Variants in RBMS3 observed in about 807,000 individuals in gnomAD.
The protein encoded by RBMS3 is RNA binding motif single stranded interacting protein 3.
In RBMS3, 27 loss-of-function variants were observed where a neutral mutation model predicts 66.8. That is an observed-to-expected ratio of 0.40 (90% CI 0.30 to 0.56). RBMS3 has a LOEUF of 0.56. Among genes scored for constraint, RBMS3 ranks in the 20% least tolerant of loss-of-function variants. RBMS3 has a pLI of 0.40. For missense variants in RBMS3, 513 were observed against 549.5 expected, an observed-to-expected ratio of 0.93 and a Z score of 0.66; for synonymous variants, 188 against 183.0, an observed-to-expected ratio of 1.03 and a Z score of -0.22.
intron 3 of RBMS3, among the ~76,000 whole-genome samples, chr3:29,553,808 T>TA (rs10634860): frequency 0.46 from 64,973 of 142,130 alleles, 14,686 homozygotes; most frequent in Middle Eastern, 0.6. Context: ...ACTGGCTAAT[T>TA]AAAAAAAAAA....
At chr3:29,286,281 CTTGTTTCTTAGTT>C (rs2032322945) in intron 1 of RBMS3, among the ~76,000 whole-genome samples, 1 of 151,676 alleles carries the variant, frequency 6.6e-6, no homozygotes, top group Non-Finnish European at 1.5e-5. Context: ...AGGGGCCATC[CTTGTTTCTTAGTT>C]TTGTTTTTTT....
Position 29,340,875 on chromosome 3 carries a change from A to T in RBMS3, c.75+59119A>T, listed in dbSNP as rs949421716. Among the ~76,000 whole-genome samples the T allele has an allele frequency of 4.6e-5, 7 of 152,132 alleles. No homozygotes were observed. The South Asian group carries it at 1.0e-3, about 22-fold the overall frequency. On this transcript the variant is annotated intron_variant, in intron 1 of 14. Coordinates refer to ENST00000383767, the MANE Select transcript of RBMS3 (RefSeq NM_001003793.3). ...CCTTCCTATTATATATATCATTTTT[A>T]AAAAGTTTAAGTTAAATCCTTTTTT...
intron 3 of RBMS3, among the ~76,000 whole-genome samples, chr3:29,523,732 C>A (rs1411066820): frequency 1.3e-5 from 2 of 151,108 alleles, no homozygotes; most frequent in Non-Finnish European, 3.0e-5. Context: ...CTCTTTTTTT[C>A]TTTTTTGCCT....
intron 12 of RBMS3, among the ~76,000 whole-genome samples, chr3:29,945,738 G>A (rs544218683): frequency 1.3e-5 from 2 of 151,810 alleles, no homozygotes; most frequent in East Asian, 3.9e-4. Context: ...GTACTTATCA[G>A]ATATCAGTCA....
intron 3 of RBMS3, among the ~76,000 whole-genome samples, chr3:29,512,770 G>A (rs772383270): frequency 3.3e-5 from 5 of 152,222 alleles, no homozygotes; most frequent in Non-Finnish European, 7.3e-5. Flanking sequence ...TCTGTGGCAT[G>A]TGAACAATAC....
At chr3:29,765,768 G>C (rs2055896248) in intron 6 of RBMS3, 1 of 152,238 alleles carries the variant, frequency 6.6e-6, no homozygotes, top group East Asian at 1.9e-4. Context: ...TCATGCTGCT[G>C]ATAAAGACAC....
intron 1 of RBMS3, among the ~76,000 whole-genome samples, chr3:29,306,754 A>G (rs1559475547): frequency 6.6e-6 from 1 of 151,850 alleles, no homozygotes; most frequent in Non-Finnish European, 1.5e-5. Flanking sequence ...GATCAAGCTG[A>G]GGCTCTATCT....
chr3:29,348,115 G>A (rs1270006621), intron 1 of RBMS3, among the ~76,000 whole-genome samples: 1 of 152,064 alleles, frequency 6.6e-6, no homozygotes, highest in Admixed American at 6.5e-5. Context: ...TAAATGACAA[G>A]TAAACAACAC....
At chr3:29,956,727 G>A (rs55757024) in intron 12 of RBMS3, among the ~76,000 whole-genome samples, 2,277 of 152,164 alleles carry the variant, frequency 0.015, 67 homozygotes, top group African/African-American at 0.052. Context: ...CCATCTAACT[G>A]GTCGGACTGA....
chr3:29,672,669 A>G (rs1304043107), intron 4 of RBMS3, among the ~76,000 whole-genome samples: 1 of 152,244 alleles, frequency 6.6e-6, no homozygotes, highest in African/African-American at 2.4e-5. Flanking sequence ...TTAAATGAAC[A>G]AAGATCAAAA....
chr3:29,397,045 T>A (rs2039584350), intron 1 of RBMS3, among the ~76,000 whole-genome samples: 1 of 152,226 alleles, frequency 6.6e-6, no homozygotes, highest in South Asian at 2.1e-4. Context: ...AATGAAATTG[T>A]GCATCATTCA....
chr3:29,597,294 T>C (rs1484458227), intron 4 of RBMS3, among the ~76,000 whole-genome samples: 1 of 152,154 alleles, frequency 6.6e-6, no homozygotes, highest in Non-Finnish European at 1.5e-5. Flanking sequence ...CTGACTTTTA[T>C]TGAAAGTGAA....
intron 6 of RBMS3, among the ~76,000 whole-genome samples, chr3:29,856,296 G>A (rs1264325213): frequency 3.9e-5 from 6 of 152,160 alleles, no homozygotes; most frequent in African/African-American, 1.4e-4. Context: ...ATTTGGTGGG[G>A]TGGGAAAAGC....
At chr3:29,599,917 C>G (rs1345286654) in intron 4 of RBMS3, among the ~76,000 whole-genome samples, 2 of 151,618 alleles carry the variant, frequency 1.3e-5, no homozygotes, top group African/African-American at 4.8e-5. Context: ...TACTAAAAGA[C>G]AAATATAGTA....
At chr3:29,380,039 G>A (rs1220180062) in intron 1 of RBMS3, among the ~76,000 whole-genome samples, 1 of 152,110 alleles carries the variant, frequency 6.6e-6, no homozygotes, top group Non-Finnish European at 1.5e-5. Flanking sequence ...TTTCTGACAG[G>A]GGGAAAGAGC....
intron 3 of RBMS3, among the ~76,000 whole-genome samples, chr3:29,496,588 TGGTAA>T (rs1278060585): frequency 6.6e-6 from 1 of 152,184 alleles, no homozygotes; most frequent in Admixed American, 6.5e-5. Context: ...TCCACTTTGA[TGGTAA>T]ATGGTCTTTA....
At chr3:29,865,106 GAGGA>G (rs545730115) in intron 6 of RBMS3, among the ~76,000 whole-genome samples, 537 of 127,196 alleles carry the variant, frequency 4.2e-3, no homozygotes, top group Non-Finnish European at 6.0e-3. Context: ...GGGAGGGAGG[GAGGA>G]AGGAAGGAAG....
At chr3:29,771,652 A>G (rs1433686794) in intron 6 of RBMS3, among the ~76,000 whole-genome samples, 1 of 152,032 alleles carries the variant, frequency 6.6e-6, no homozygotes. Context: ...GATATAAAGA[A>G]CTACCTGAGG....
chr3:29,394,617 C>G (rs2039462420), intron 1 of RBMS3, among the ~76,000 whole-genome samples: 1 of 152,144 alleles, frequency 6.6e-6, no homozygotes, highest in Non-Finnish European at 1.5e-5. Flanking sequence ...ATTTGGGGAA[C>G]TAATAAACGT....
Sources: allele counts gnomAD v4.1 joint callset (sites outside exome capture counted in the v4.1 genomes callset), GRCh38; gene constraint gnomAD v4.1.1; transcripts MANE v1.5; gene names NCBI Gene and HGNC (gene_info 2026-07-23, HGNC 2026-07-21).